SLC30A8: variants seen among roughly 807,000 people sequenced by gnomAD.
SLC30A8 encodes solute carrier family 30 member 8, also known as proton-coupled zinc antiporter SLC30A8.
SLC30A8 carries 27 observed loss-of-function variants against 36.9 expected under a neutral mutation model. That is an observed-to-expected ratio of 0.73 (90% confidence interval 0.54 to 1.01). SLC30A8 has a LOEUF of 1.01. SLC30A8 is among the 50% of genes least tolerant of loss of function. The pLI is 0.00. For synonymous variants in SLC30A8, 164 were observed against 172.4 expected, an observed-to-expected ratio of 0.95 and a Z score of 0.38; for missense variants, 439 against 452.0, an observed-to-expected ratio of 0.97 and a Z score of 0.26.
At chr8:116,999,830 CAA>C (rs1251095498) in intron 1 of SLC30A8, among the ~76,000 whole-genome samples, 6 of 151,584 alleles carry the variant, frequency 4.0e-5, no homozygotes, top group African/African-American at 1.2e-4. Context: ...AATTATGAAA[CAA>C]AAAAGCAGAC....
intron 1 of SLC30A8, among the ~76,000 whole-genome samples, chr8:116,972,969 C>A (rs73701641): frequency 7.2e-5 from 11 of 152,090 alleles, no homozygotes; most frequent in African/African-American, 2.7e-4. Flanking sequence ...AAACCATCCC[C>A]GATCTGAGGA....
chr8:117,150,024 G>T (rs968853433), intron 2 of SLC30A8, among the ~76,000 whole-genome samples: 2 of 152,112 alleles, frequency 1.3e-5, no homozygotes, highest in South Asian at 4.1e-4. Context: ...TGCAGACATG[G>T]GGAGAACATG....
intron 2 of SLC30A8, chr8:117,128,464 C>T (rs1483314986): frequency 2.0e-5 from 3 of 151,974 alleles, no homozygotes; most frequent in South Asian, 2.1e-4. Flanking sequence ...CGCACGCACG[C>T]GTCTGTGTGT....
intron 2 of SLC30A8, among the ~76,000 whole-genome samples, chr8:117,070,248 A>G (rs992118379): frequency 6.6e-6 from 1 of 152,132 alleles, no homozygotes; most frequent in African/African-American, 2.4e-5. Context: ...GTGAGATTCC[A>G]CTGCTGGTTT....
intron 1 of SLC30A8, among the ~76,000 whole-genome samples, chr8:116,993,531 C>A (rs1815717979): frequency 6.6e-6 from 1 of 151,776 alleles, no homozygotes; most frequent in African/African-American, 2.4e-5. Context: ...AGACCCAGAC[C>A]CAGAGACAAT....
chr8:116,962,227 A>G (rs1586330994), intron 1 of SLC30A8, among the ~76,000 whole-genome samples: 1 of 151,990 alleles, frequency 6.6e-6, no homozygotes, highest in Admixed American at 6.6e-5. Context: ...AGGTTCAGTG[A>G]TGGCTGCCGG....
At position 117,026,008 on chromosome 8, in the gene SLC30A8, T is replaced by C. The variant is rs191952891; in HGVS notation, c.-265-13211T>C. 2.0e-5 allele frequency among the ~76,000 whole-genome samples: 3 copies of C among 152,274 alleles called. No homozygotes were observed. The East Asian group carries it at 5.8e-4, about 29-fold the overall frequency. ...CGCAGGGTGATGGTGCATTTGTTCG[T>C]AGCATGGAGCTGCACTTTAGGAGTT... On this transcript the variant is annotated intron_variant, in intron 1 of 10. Transcript: ENST00000427715.
exon 2 of SLC30A8, chr8:117,039,258 G>A (rs1392903155): frequency 6.6e-6 from 1 of 152,156 alleles, no homozygotes; most frequent in East Asian, 1.9e-4. Flanking sequence ...ACAGTACCTA[G>A]GTATATCTAT....
At chr8:116,987,419 T>C (rs1815483286) in intron 1 of SLC30A8, among the ~76,000 whole-genome samples, 2 of 124,288 alleles carry the variant, frequency 1.6e-5, no homozygotes, top group Middle Eastern at 4.2e-3. Context: ...TGTGCACATG[T>C]ACCCTAAAAG....
At chr8:117,056,907 G>C (rs1817888253) in intron 2 of SLC30A8, among the ~76,000 whole-genome samples, 1 of 152,168 alleles carries the variant, frequency 6.6e-6, no homozygotes, top group Non-Finnish European at 1.5e-5. Context: ...AAGTGGACTA[G>C]AGTTTCACTA....
chr8:117,097,596 TATATA>T (rs1819461134), intron 2 of SLC30A8, among the ~76,000 whole-genome samples: 1 of 102,702 alleles, frequency 9.7e-6, no homozygotes, highest in African/African-American at 4.1e-5. Flanking sequence ...ATATATATTA[TATATA>T]ATATATAATT....
At chr8:117,050,133 G>T (rs1362053739) in intron 2 of SLC30A8, among the ~76,000 whole-genome samples, 1 of 152,148 alleles carries the variant, frequency 6.6e-6, no homozygotes, top group African/African-American at 2.4e-5. Flanking sequence ...CCACATCTCT[G>T]CAAAGCAGGG....
At chr8:117,110,308 C>T (rs1820170263) in intron 2 of SLC30A8, among the ~76,000 whole-genome samples, 1 of 151,840 alleles carries the variant, frequency 6.6e-6, no homozygotes, top group Admixed American at 6.6e-5. Context: ...TAACATCGTG[C>T]TTTCTGTCAC....
rs1817216387 is a variant in SLC30A8, at chr8:117,036,495, T to A, written c.-265-2724T>A. Among the ~76,000 whole-genome samples, 4 of 152,310 alleles carry A rather than the reference T, an allele frequency of 2.6e-5. No homozygotes were observed. The South Asian group carries it at 8.3e-4, about 32-fold the overall frequency. On this transcript the variant is annotated intron_variant, in intron 1 of 10. Coordinates refer to the SLC30A8 transcript ENST00000427715. ...GAACTACCCAATACTGGGTAATTTA[T>A]AAAGAAAAGAGGTTTCATTGACTCA...
At position 117,150,470 on chromosome 8, in the gene SLC30A8, CT is replaced by C. The variant is rs376463992; in HGVS notation, c.272-2470del. On this transcript the variant is annotated intron_variant, in intron 2 of 7. Transcript: ENST00000456015. ...TAAGTCAAGTCTTCCAGGTCTGAGTCTTTTCTGTGTGTCTCTTATCTTGTTA... is the reference window on the plus strand; with the variant it reads ...TAAGTCAAGTCTTCCAGGTCTGAGTCTTTCTGTGTGTCTCTTATCTTGTTA... 3.5e-3 allele frequency among the ~76,000 whole-genome samples: 527 copies of C among 152,302 alleles called. 8 individuals are homozygous for C. The highest frequency in any genetic ancestry group is 0.012 in the African/African-American group (501 of 41,568).
chr8:117,035,891 C>A (rs913312621), intron 1 of SLC30A8, among the ~76,000 whole-genome samples: 1 of 152,190 alleles, frequency 6.6e-6, no homozygotes, highest in African/African-American at 2.4e-5. Context: ...GGAGCTGGAG[C>A]AGCTTGGACT....
At chr8:117,124,304 G>A (rs1001310498) in intron 2 of SLC30A8, among the ~76,000 whole-genome samples, 27 of 152,066 alleles carry the variant, frequency 1.8e-4, no homozygotes, top group Non-Finnish European at 3.2e-4. Context: ...GAAAAGGCTA[G>A]TTGATGCTGC....
At chr8:117,048,606 T>C (rs1172431252) in intron 2 of SLC30A8, among the ~76,000 whole-genome samples, 1 of 152,210 alleles carries the variant, frequency 6.6e-6, no homozygotes, top group African/African-American at 2.4e-5. Context: ...TAAAACAGCC[T>C]CACTTTATTT....
At chr8:117,022,797 C>G (rs894385583) in intron 1 of SLC30A8, among the ~76,000 whole-genome samples, 3 of 152,128 alleles carry the variant, frequency 2.0e-5, no homozygotes, top group Non-Finnish European at 4.4e-5. Flanking sequence ...TAGGCAATAC[C>G]ATTCAGGACA....
Sources: allele counts gnomAD v4.1 joint callset (sites outside exome capture counted in the v4.1 genomes callset), GRCh38; gene constraint gnomAD v4.1.1; transcripts MANE v1.5; gene names NCBI Gene and HGNC (gene_info 2026-07-23, HGNC 2026-07-21).